Variants in ZBTB20 observed in about 807,000 individuals in gnomAD.
The protein encoded by ZBTB20 is zinc finger and BTB domain containing 20.
In ZBTB20, 9 loss-of-function variants were observed where a neutral mutation model predicts 56.9. The observed-to-expected ratio is 0.16, with a 90% confidence interval of 0.10 to 0.28. The LOEUF (loss-of-function observed/expected upper bound fraction) is 0.28, where lower values mean the gene tolerates loss of function less well. Ranked by LOEUF, ZBTB20 falls within the 10% of genes least tolerant of loss-of-function variation. The pLI, the probability that ZBTB20 is intolerant of heterozygous loss-of-function variation, is 1.00. For missense variants in ZBTB20, 655 were observed against 1,003.0 expected, an observed-to-expected ratio of 0.65 and a Z score of 4.69; for synonymous variants, 417 against 420.7, an observed-to-expected ratio of 0.99 and a Z score of 0.11.
At chr3:114,874,159 C>T (rs558153870) in intron 4 of ZBTB20, 10 of 152,300 alleles carry the variant, frequency 6.6e-5, no homozygotes, top group African/African-American at 2.4e-4. Context: ...TAGAGGGAAG[C>T]AGACCCTCCC....
At chr3:114,756,702 A>G (rs2068032336) in intron 5 of ZBTB20, among the ~76,000 whole-genome samples, 1 of 152,136 alleles carries the variant, frequency 6.6e-6, no homozygotes, top group African/African-American at 2.4e-5. Context: ...AGTTTAGTCT[A>G]CTTTGCATAT....
chr3:114,534,472 C>G (rs1230126245), intron 6 of ZBTB20, among the ~76,000 whole-genome samples: 4 of 152,126 alleles, frequency 2.6e-5, no homozygotes, highest in Non-Finnish European at 4.4e-5. Context: ...AATACAGGAG[C>G]ACCCAGATTC....
At chr3:114,973,217 T>C (rs2077961173) in intron 3 of ZBTB20, among the ~76,000 whole-genome samples, 1 of 152,210 alleles carries the variant, frequency 6.6e-6, no homozygotes, top group Admixed American at 6.5e-5. Context: ...CGAGTATTAA[T>C]TTTTCATCAA....
chr3:114,990,137 A>G (rs564166435), intron 2 of ZBTB20, among the ~76,000 whole-genome samples: 7 of 152,062 alleles, frequency 4.6e-5, no homozygotes, highest in African/African-American at 1.4e-4. Context: ...TTCCAACACT[A>G]TGTTGAATAG....
rs2079475317 is a variant in ZBTB20 at position 114,336,889 on chromosome 3, T to C, written c.*2116A>G. 6.6e-6 allele frequency: 1 copy of C among 152,242 alleles called. No individual in the cohort carries two copies. Among genetic ancestry groups the C allele is most frequent in the Non-Finnish European group, 1.5e-5 (1 of 68,036 alleles). The allele number at this position is 152,242 out of a possible 1,614,324, so 9.4% of individuals were successfully genotyped here. ...GCTTTCCCCTAAGTATGTTAAAATA[T>C]GCCCAGCAATGAAATCACTTTGGGA... On this transcript the variant is annotated 3_prime_UTR_variant, in exon 12 of 12. Coordinates refer to ENST00000675478, the MANE Select transcript of ZBTB20 (RefSeq NM_001348800.3).
intron 4 of ZBTB20, among the ~76,000 whole-genome samples, chr3:114,824,977 C>T (rs1351782972): frequency 2.6e-5 from 4 of 151,824 alleles, no homozygotes; most frequent in East Asian, 3.9e-4. Flanking sequence ...TGACTCACAT[C>T]GCACATTTTC....
chr3:114,484,945 G>T (rs749366922), intron 7 of ZBTB20, among the ~76,000 whole-genome samples: 1 of 152,134 alleles, frequency 6.6e-6, no homozygotes, highest in Non-Finnish European at 1.5e-5. Flanking sequence ...TAATATAATA[G>T]CTCAGGTCTT....
intron 5 of ZBTB20, among the ~76,000 whole-genome samples, chr3:114,727,155 T>C (rs1442810951): frequency 6.6e-6 from 1 of 152,006 alleles, no homozygotes; most frequent in Non-Finnish European, 1.5e-5. Flanking sequence ...TGGGTTCAGG[T>C]CCTTAACTGT....
At chr3:114,497,837 T>G (rs1448942265) in intron 7 of ZBTB20, among the ~76,000 whole-genome samples, 1 of 152,216 alleles carries the variant, frequency 6.6e-6, no homozygotes, top group Non-Finnish European at 1.5e-5. Flanking sequence ...CTGTACATGA[T>G]AATTAATCAA....
intron 3 of ZBTB20, among the ~76,000 whole-genome samples, chr3:114,936,081 A>G (rs552910073): frequency 6.6e-6 from 1 of 152,326 alleles, no homozygotes; most frequent in East Asian, 1.9e-4. Flanking sequence ...GAATCAGATG[A>G]TCAGGACACC....
In ZBTB20 at chr3:114,888,551, G is replaced by A. The variant is rs188983533; in HGVS notation, c.-417+11753C>T. Reference sequence around the variant, plus strand: ...CAAATAAAAAATTATTTATGTTCCTGAAGAACTTGATTCAGAGAGTAAATA... The same window carrying A: ...CAAATAAAAAATTATTTATGTTCCTAAAGAACTTGATTCAGAGAGTAAATA... On this transcript the variant is annotated intron_variant, in intron 4 of 11. Coordinates refer to ENST00000675478, the MANE Select transcript of ZBTB20 (RefSeq NM_001348800.3). Among the ~76,000 whole-genome samples, 8 of 152,264 alleles carry A rather than the reference G, an allele frequency of 5.3e-5. No individual in the cohort carries two copies. In the East Asian group the frequency reaches 5.8e-4, roughly 11 times the overall value.
intron 6 of ZBTB20, among the ~76,000 whole-genome samples, chr3:114,665,329 T>G (rs771596750): frequency 5.3e-5 from 8 of 152,052 alleles, no homozygotes; most frequent in Non-Finnish European, 5.9e-5. Context: ...GAGCAATAAG[T>G]TATACTATAT....
chr3:114,332,058 GTTTTTTTTTTT>G lies in ZBTB20; in HGVS notation c.*6936_*6946del, dbSNP rs71146316. Reference sequence around the variant, plus strand: ...ACTAGTAGAAACAGATGCCCCCAAGGTTTTTTTTTTTTTTTTTTTTTTTTTCTCTCTTGGAT... The same window carrying G: ...ACTAGTAGAAACAGATGCCCCCAAGGTTTTTTTTTTTTTTCTCTCTTGGAT... On this transcript the variant is annotated 3_prime_UTR_variant, in exon 12 of 12. Coordinates refer to ENST00000675478, the MANE Select transcript of ZBTB20 (RefSeq NM_001348800.3). The G allele has an allele frequency of 1.2e-5, 1 of 85,406 alleles. No homozygotes were observed. Among genetic ancestry groups the G allele is most frequent in the African/African-American group, 4.4e-5 (1 of 22,968 alleles). 5.3% of individuals were successfully genotyped at this position (85,406 alleles called of 1,614,324 possible).
chr3:114,628,180 G>A (rs2058748209), intron 6 of ZBTB20, among the ~76,000 whole-genome samples: 1 of 151,934 alleles, frequency 6.6e-6, no homozygotes, highest in South Asian at 2.1e-4. Context: ...TATGCTCTCA[G>A]TTACTAATGG....
intron 10 of ZBTB20, among the ~76,000 whole-genome samples, chr3:114,377,938 C>T (rs1373145248): frequency 2.0e-5 from 3 of 152,136 alleles, no homozygotes; most frequent in Non-Finnish European, 2.9e-5. Flanking sequence ...CTTGGAACAA[C>T]ACACACTGGT....
intron 2 of ZBTB20, among the ~76,000 whole-genome samples, chr3:115,039,813 G>A (rs140337195): frequency 6.6e-6 from 1 of 152,008 alleles, no homozygotes; most frequent in Non-Finnish European, 1.5e-5. Context: ...GGAGAATGGG[G>A]ACATGTTGGT....
At chr3:114,837,385 AC>A (rs1373502396) in intron 4 of ZBTB20, among the ~76,000 whole-genome samples, 1 of 152,298 alleles carries the variant, frequency 6.6e-6, no homozygotes, top group East Asian at 1.9e-4. Context: ...AAACTTAGTA[AC>A]TTAAAAAAGC....
intron 2 of ZBTB20, among the ~76,000 whole-genome samples, chr3:115,003,137 G>A (rs190538556): frequency 2.6e-5 from 4 of 151,576 alleles, no homozygotes; most frequent in Admixed American, 6.6e-5. Context: ...AGATGCCAGG[G>A]TTTGGAAATG....
chr3:115,077,644 A>G (rs1353312852), intron 1 of ZBTB20, among the ~76,000 whole-genome samples: 1 of 152,244 alleles, frequency 6.6e-6, no homozygotes, highest in Non-Finnish European at 1.5e-5. Flanking sequence ...AATATTTAAC[A>G]TCACTTATCA....
Sources: gnomAD v4.1 joint callset for allele counts (sites outside exome capture counted in the v4.1 genomes callset) on GRCh38, gnomAD v4.1.1 for gene constraint, MANE v1.5 for transcripts, NCBI Gene and HGNC (gene_info 2026-07-23, HGNC 2026-07-21) for gene names.